TMEM128: variants seen among roughly 807,000 people sequenced by gnomAD.
TMEM128 encodes transmembrane protein 128.
Under a neutral mutation model 19.7 loss-of-function variants are expected in TMEM128, and 16 were observed. That is an observed-to-expected ratio of 0.81 (90% confidence interval 0.55 to 1.23). The LOEUF (loss-of-function observed/expected upper bound fraction) is 1.23. TMEM128 is among the 50% of genes most tolerant of loss of function. TMEM128 has a pLI of 0.00. For synonymous variants in TMEM128, 98 were observed against 75.8 expected, an observed-to-expected ratio of 1.29 and a Z score of -1.52; for missense variants, 237 against 200.8, an observed-to-expected ratio of 1.18 and a Z score of -1.09.
In TMEM128 at chr4:4,240,397, C is replaced by T; in HGVS notation, c.322G>A (p.Gly108Arg). 1 of 1,614,078 alleles carries T rather than the reference C, an allele frequency of 6.2e-7. No individual in the cohort carries two copies. The highest frequency in any genetic ancestry group is 8.5e-7 in the Non-Finnish European group (1 of 1,180,006). ...TACTTGACATCATATTCTCCAATTC[C>T]ACAATACCATTCCAGGTAGACTATG... ...YCIVYLEWYC[G>R]IGEYDVKYPA... Residue 108 changes from glycine to arginine, a missense_variant, in exon 3 of 5, where the codon GGA becomes AGA. Coordinates refer to ENST00000382753, the MANE Select transcript of TMEM128 (RefSeq NM_001297551.2).
chr4:4,248,219 A>C lies in TMEM128; in HGVS notation c.-17T>G, dbSNP rs1285291229. 4 of 1,487,566 alleles carry C rather than the reference A, an allele frequency of 2.7e-6. No homozygotes were observed. The South Asian group carries it at 5.1e-5, about 19-fold the overall frequency. 92.1% of individuals were successfully genotyped at this position (1,487,566 alleles called of 1,614,324 possible). On this transcript the variant is annotated 5_prime_UTR_variant, in exon 1 of 5. It adds an upstream start codon to the 5' untranslated region. Coordinates refer to ENST00000382753, the MANE Select transcript of TMEM128 (RefSeq NM_001297551.2). ...GGAGTCCATCTTGGTACCGCCCCGA[A>C]ATGCGACGGAAGTGACGTCAGACAC... is the stretch of plus-strand genomic sequence containing the variant.
chr4:4,240,530 C>G (rs1717913045), intron 2 of TMEM128, 51 bp from the exon 3 acceptor site: 1 of 1,566,620 alleles, frequency 6.4e-7, no homozygotes, highest in Admixed American at 1.9e-5. Flanking sequence ...TGAATCGTCA[C>G]ATATCTTAAA....
At chr4:4,246,792 G>C (rs1261604451) in intron 1 of TMEM128, among the ~76,000 whole-genome samples, 1 of 151,996 alleles carries the variant, frequency 6.6e-6, no homozygotes, top group African/African-American at 2.4e-5. Context: ...CTGTCGCCCG[G>C]GTTGGAGTGG....
At chr4:4,243,288 T>G (rs1240218030) in intron 2 of TMEM128, among the ~76,000 whole-genome samples, 1 of 152,082 alleles carries the variant, frequency 6.6e-6, no homozygotes, top group Non-Finnish European at 1.5e-5. Context: ...TTCACCGCGT[T>G]AGCCAGGATG....
intron 1 of TMEM128, among the ~76,000 whole-genome samples, chr4:4,247,387 C>T (rs764918525): frequency 1.3e-5 from 2 of 152,192 alleles, no homozygotes; most frequent in Non-Finnish European, 2.9e-5. Flanking sequence ...TATACATCAT[C>T]ATGCCTGGGC....
At position 4,240,357 on chromosome 4, in the gene TMEM128, G is replaced by C. The variant is rs1717900885; in HGVS notation, c.362C>G (p.Pro121Arg). ...TGCAATAAAGGAGGCAGTGGTAATG[G>C]GTATCAAGGCTGGATACTTGACATC... ...EYDVKYPALIPITTASFIAAG... is the reference protein window; with the variant it reads ...EYDVKYPALIRITTASFIAAG... Residue 121 changes from proline to arginine, a missense_variant, in exon 3 of 5, where the codon CCC becomes CGC. Coordinates refer to ENST00000382753, the MANE Select transcript of TMEM128 (RefSeq NM_001297551.2). 1.9e-6 allele frequency: 3 copies of C among 1,613,922 alleles called. No homozygotes were observed. The highest frequency in any genetic ancestry group is 1.6e-4 in the Middle Eastern group (1 of 6,062).
intron 4 of TMEM128, among the ~76,000 whole-genome samples, chr4:4,236,875 C>A (rs1234241825): frequency 6.6e-6 from 1 of 152,242 alleles, no homozygotes; most frequent in African/African-American, 2.4e-5. Context: ...AGTTTCCACA[C>A]CTGTCAACTG....
rs550849557 is a variant in TMEM128, at chr4:4,243,825, A to G, written c.239+2377T>C. 2.2e-4 allele frequency among the ~76,000 whole-genome samples: 34 copies of G among 152,232 alleles called. No individual in the cohort carries two copies. The East Asian group carries it at 2.7e-3, about 12-fold the overall frequency. On this transcript the variant is annotated intron_variant, in intron 2 of 4. Transcript: ENST00000382753. Reference sequence around the variant, plus strand: ...CTCCACTTCACTGCAGTTGCCCCCAAATATCTTATGTGTGATCATTTCTTA... The same window carrying G: ...CTCCACTTCACTGCAGTTGCCCCCAGATATCTTATGTGTGATCATTTCTTA...
intron 2 of TMEM128, among the ~76,000 whole-genome samples, chr4:4,241,139 T>G (rs1318670778): frequency 1.3e-5 from 2 of 152,096 alleles, no homozygotes; most frequent in Non-Finnish European, 2.9e-5. Flanking sequence ...GGCTTTCTGG[T>G]TGTTTCTGAA....
intron 2 of TMEM128, 129 bp from the exon 3 acceptor site, chr4:4,240,608 A>C: frequency 1.0e-6 from 1 of 1,003,746 alleles, no homozygotes; most frequent in South Asian, 1.8e-5. Context: ...GCCATACTTA[A>C]ACAATCCATG....
At chr4:4,243,189 T>C (rs973624040) in intron 2 of TMEM128, among the ~76,000 whole-genome samples, 2 of 152,076 alleles carry the variant, frequency 1.3e-5, no homozygotes, top group African/African-American at 4.8e-5. Context: ...ACGCCATTCT[T>C]CTGCCTCAGC....
At position 4,246,787 on chromosome 4, in the gene TMEM128, G is replaced by A. The variant is rs529196325; in HGVS notation, c.98-444C>T. ...TTTTGAGTCGGAGTCTTCCTCTGTC[G>A]CCCGGGTTGGAGTGGAATGGTTTGA... On this transcript the variant is annotated intron_variant, in intron 1 of 4. Transcript: ENST00000382753. Among the ~76,000 whole-genome samples the A allele has an allele frequency of 3.3e-5, 5 of 151,546 alleles. No individual in the cohort carries two copies. In the East Asian group the frequency reaches 9.7e-4, roughly 29 times the overall value.
At chr4:4,246,070 G>A (rs1297210546) in intron 2 of TMEM128, 132 bp downstream of exon 2, 8 of 875,876 alleles carry the variant, frequency 9.1e-6, no homozygotes, top group Non-Finnish European at 1.0e-5. Flanking sequence ...ATTCATCTTC[G>A]TATCACCACA....
At chr4:4,237,188 C>G (rs1215638168) in intron 4 of TMEM128, 1 of 412,634 alleles carries the variant, frequency 2.4e-6, no homozygotes. Context: ...AATTTTTTTT[C>G]CCAATTAGGT....
In TMEM128 at chr4:4,237,949, G is replaced by A; in HGVS notation, c.399-14C>T. 1.3e-6 allele frequency: 2 copies of A among 1,500,076 alleles called. No homozygotes were observed. The highest frequency in any genetic ancestry group is 9.0e-7 in the Non-Finnish European group (1 of 1,105,424). 92.9% of individuals were successfully genotyped at this position (1,500,076 alleles called of 1,614,324 possible). On this transcript the variant is annotated splice_polypyrimidine_tract_variant and intron_variant, in intron 3 of 4. Coordinates refer to ENST00000382753, the MANE Select transcript of TMEM128 (RefSeq NM_001297551.2). The stretch of plus-strand genomic sequence containing the variant: ...GCAATGTTGAAGCTGAAAAGAACAA[G>A]ACATAAACAGTTGACAACTCCAATA...
At chr4:4,237,213 T>A in intron 4 of TMEM128, 1 of 395,384 alleles carries the variant, frequency 2.5e-6, no homozygotes, top group East Asian at 7.3e-5. Flanking sequence ...TTGTTCATTC[T>A]TCCTGTATTC....
At position 4,240,534 on chromosome 4, in the gene TMEM128, T is replaced by C. The variant is rs190648276; in HGVS notation, c.240-55A>G. Reference sequence around the variant, plus strand: ...ACAGCACTTAATGAATCGTCACATATCTTAAAAGTTTTTACTAATAGCTTA... The same window carrying C: ...ACAGCACTTAATGAATCGTCACATACCTTAAAAGTTTTTACTAATAGCTTA... On this transcript the variant is annotated intron_variant, in intron 2 of 4. Coordinates refer to ENST00000382753, the MANE Select transcript of TMEM128 (RefSeq NM_001297551.2). The C allele has an allele frequency of 7.0e-4, 1,087 of 1,550,800 alleles. 4 individuals are homozygous for C. The Middle Eastern group carries it at 0.022, about 31-fold the overall frequency.
At chr4:4,246,845 T>A (rs917578605) in intron 1 of TMEM128, among the ~76,000 whole-genome samples, 2 of 152,050 alleles carry the variant, frequency 1.3e-5, no homozygotes, top group African/African-American at 4.8e-5. Context: ...CCTCCCGGGT[T>A]CAAGCAATTC....
chr4:4,243,902 C>G (rs1447412717), intron 2 of TMEM128, among the ~76,000 whole-genome samples: 2 of 152,172 alleles, frequency 1.3e-5, no homozygotes, highest in East Asian at 3.9e-4. Context: ...GACACAAATA[C>G]AGAAGTTCTC....
Sources: allele counts gnomAD v4.1 joint callset (sites outside exome capture counted in the v4.1 genomes callset), GRCh38; gene constraint gnomAD v4.1.1; transcripts MANE v1.5; gene names NCBI Gene and HGNC (gene_info 2026-07-23, HGNC 2026-07-21).